Variants in WASHC3 observed in about 807,000 individuals in gnomAD.
WASHC3 encodes the protein WASH complex subunit 3.
A neutral mutation model predicts 26.1 loss-of-function variants in WASHC3; 24 were observed. The ratio of observed to expected loss-of-function variants is 0.92; its 90% CI spans 0.66 to 1.29. The LOEUF (loss-of-function observed/expected upper bound fraction) is 1.29. Among genes scored for constraint, WASHC3 ranks in the 50% most tolerant of loss-of-function variants. The pLI, the probability that WASHC3 is intolerant of heterozygous loss-of-function variation, is 0.00. For synonymous variants in WASHC3, 77 were observed against 75.7 expected, an observed-to-expected ratio of 1.02 and a Z score of -0.09; for missense variants, 214 against 229.6, an observed-to-expected ratio of 0.93 and a Z score of 0.44.
chr12:102,027,474 G>T (rs1425061560), intron 5 of WASHC3, among the ~76,000 whole-genome samples: 6 of 152,086 alleles, frequency 3.9e-5, no homozygotes, highest in Non-Finnish European at 5.9e-5. Context: ...AGTCTTCAAA[G>T]TTAAGGACAC....
Position 102,038,944 on chromosome 12 carries a change from A to G in WASHC3, c.435+924T>C, listed in dbSNP as rs151118080. ...TTGCTTGATAATATAATTTTACAAA[A>G]GCATTATTATTATTATTATTATTTT... is the stretch of plus-strand genomic sequence containing the variant. On this transcript the variant is annotated intron_variant, in intron 5 of 6. Coordinates refer to ENST00000240079, the MANE Select transcript of WASHC3 (RefSeq NM_016053.4). 5.3e-4 allele frequency among the ~76,000 whole-genome samples: 81 copies of G among 151,874 alleles called. 2 individuals carry two copies. In the East Asian group the frequency reaches 0.013, roughly 25 times the overall value.
chr12:102,043,938 C>G (rs1200852544), intron 4 of WASHC3, 167 bp downstream of exon 4: 2 of 405,294 alleles, frequency 4.9e-6, no homozygotes, highest in Non-Finnish European at 9.0e-6. Context: ...GGAAGCCCTT[C>G]AAAATAACAC....
chr12:102,053,720 G>A (rs907479726), intron 2 of WASHC3, among the ~76,000 whole-genome samples: 15 of 151,932 alleles, frequency 9.9e-5, no homozygotes, highest in African/African-American at 3.6e-4. Context: ...AATGAGAAAT[G>A]TAACAGAAAG....
At chr12:102,037,394 G>A (rs980643769) in intron 5 of WASHC3, among the ~76,000 whole-genome samples, 2 of 152,190 alleles carry the variant, frequency 1.3e-5, no homozygotes. Flanking sequence ...CAGAGAAGGC[G>A]TAAAGGGAAT....
intron 6 of WASHC3, among the ~76,000 whole-genome samples, chr12:102,013,456 C>T (rs901777695): frequency 6.6e-6 from 1 of 152,184 alleles, no homozygotes; most frequent in East Asian, 1.9e-4. Flanking sequence ...TTCTGCTTCT[C>T]ATTACCATGG....
At chr12:102,033,808 C>T (rs1036730448) in intron 5 of WASHC3, among the ~76,000 whole-genome samples, 4 of 151,110 alleles carry the variant, frequency 2.6e-5, no homozygotes, top group African/African-American at 4.9e-5. Context: ...TAAAAGCTGA[C>T]ATGTAGGCTT....
At chr12:102,039,322 A>G (rs1055675475) in intron 5 of WASHC3, among the ~76,000 whole-genome samples, 27 of 151,866 alleles carry the variant, frequency 1.8e-4, no homozygotes, top group Non-Finnish European at 3.2e-4. Context: ...ACCTCTTTCA[A>G]CTACTGAAAT....
chr12:102,035,417 T>C (rs556788490), intron 5 of WASHC3, among the ~76,000 whole-genome samples: 5 of 152,176 alleles, frequency 3.3e-5, no homozygotes, highest in African/African-American at 7.2e-5. Context: ...GTTGGAAATT[T>C]TGACAGTCAC....
chr12:102,048,738 A>C (rs111230930), intron 2 of WASHC3, among the ~76,000 whole-genome samples: 1 of 152,330 alleles, frequency 6.6e-6, no homozygotes, highest in African/African-American at 2.4e-5. Context: ...TAATGCTTTA[A>C]TAAAGAACCT....
chr12:102,062,017 C>A, upstream of WASHC3: 5 of 1,444,658 alleles, frequency 3.5e-6, no homozygotes, highest in Non-Finnish European at 4.8e-6. Context: ...CCAGATGGGG[C>A]CCGCCCAACC....
chr12:102,028,117 AAC>A (rs1877277192), intron 5 of WASHC3, among the ~76,000 whole-genome samples: 1 of 152,200 alleles, frequency 6.6e-6, no homozygotes, highest in African/African-American at 2.4e-5. Context: ...ATCCGATGTG[AAC>A]AGATTCAAGT....
chr12:102,061,949 C>T lies in WASHC3; in HGVS notation c.14G>A (p.Gly5Glu). The T allele has an allele frequency of 6.2e-7, 1 of 1,600,428 alleles. No individual in the cohort carries two copies. ...TATGCCTGACCCCATGAGAGGAAGC[C>T]CGTCCTCATCCATCTCCTCAGCGGG... is the stretch of plus-strand genomic sequence containing the variant. MDED[G>E]LPLMGSGIDL... Residue 5 changes from glycine (G) to glutamate (E), a missense_variant, in exon 1 of 7, where the codon GGG (glycine) becomes GAG (glutamate). By Grantham distance (98) the Gly-to-Glu change is moderately conservative. Transcript: ENST00000240079.
intron 2 of WASHC3, among the ~76,000 whole-genome samples, chr12:102,060,951 T>C (rs1399981034): frequency 1.2e-5 from 1 of 86,878 alleles, no homozygotes; most frequent in Non-Finnish European, 1.9e-5. Flanking sequence ...TGAGACCCTG[T>C]CTCACAAAAA....
At chr12:102,062,100 G>A (rs919537851), upstream of WASHC3, 1 of 676,872 alleles carries the variant, frequency 1.5e-6, no homozygotes, top group Non-Finnish European at 2.5e-6. Flanking sequence ...AAGCTTCTCC[G>A]CTCACTAATC....
Position 102,052,470 on chromosome 12 carries a change from T to C in WASHC3, c.151-6351A>G, listed in dbSNP as rs537649916. On this transcript the variant is annotated intron_variant, in intron 2 of 6. Transcript: ENST00000240079. Reference sequence around the variant, plus strand: ...AGGCTTGTCCCACTGGGACCGTAGGTTCCAGACCAGCTCAAGGCTCAGGAC... The same window carrying C: ...AGGCTTGTCCCACTGGGACCGTAGGCTCCAGACCAGCTCAAGGCTCAGGAC... Among the ~76,000 whole-genome samples, 8 of 152,282 alleles carry C rather than the reference T, an allele frequency of 5.3e-5. No individual in the cohort carries two copies. The East Asian group carries it at 1.5e-3, about 29-fold the overall frequency.
intron 5 of WASHC3, among the ~76,000 whole-genome samples, chr12:102,026,428 C>T (rs1257279030): frequency 2.0e-5 from 3 of 152,118 alleles, no homozygotes; most frequent in Non-Finnish European, 4.4e-5. Flanking sequence ...TCAAAGATTT[C>T]AGAGAGTTCC....
chr12:102,022,455 T>C (rs190861528), intron 6 of WASHC3, among the ~76,000 whole-genome samples: 4 of 152,324 alleles, frequency 2.6e-5, no homozygotes, highest in Admixed American at 2.6e-4. Flanking sequence ...TGAACAACTC[T>C]GTAAGGGAGT....
intron 2 of WASHC3, 69 bp downstream of exon 2, chr12:102,061,179 C>A (rs1386670426): frequency 1.0e-6 from 1 of 1,002,758 alleles, no homozygotes; most frequent in East Asian, 2.4e-5. Context: ...TTGTTTTACT[C>A]CATTTGTCAG....
At chr12:102,014,257 G>C (rs1205893138) in intron 6 of WASHC3, among the ~76,000 whole-genome samples, 1 of 151,736 alleles carries the variant, frequency 6.6e-6, no homozygotes, top group African/African-American at 2.4e-5. Context: ...ATTTTCAGTA[G>C]AGACGGGATT....
Sources: gnomAD v4.1 joint callset for allele counts (sites outside exome capture counted in the v4.1 genomes callset) on GRCh38, gnomAD v4.1.1 for gene constraint, MANE v1.5 for transcripts, NCBI Gene and HGNC (gene_info 2026-07-23, HGNC 2026-07-21) for gene names.